CNTNAP2: variants seen among roughly 807,000 people sequenced by gnomAD.
The protein encoded by CNTNAP2 is contactin-associated protein-like 2.
Under a neutral mutation model 155.2 loss-of-function variants are expected in CNTNAP2, and 98 were observed. That is an observed-to-expected ratio of 0.63 (90% CI 0.54 to 0.75). CNTNAP2 has a LOEUF of 0.75. CNTNAP2 is among the 30% of genes least tolerant of loss of function. The pLI is 0.00. For missense variants in CNTNAP2, 1,727 were observed against 1,688.1 expected, an observed-to-expected ratio of 1.02 and a Z score of -0.40; for synonymous variants, 651 against 631.2, an observed-to-expected ratio of 1.03 and a Z score of -0.47.
chr7:147,116,242 T>C (rs550444027), intron 5 of CNTNAP2, among the ~76,000 whole-genome samples: 1 of 152,322 alleles, frequency 6.6e-6, no homozygotes, highest in Middle Eastern at 3.4e-3. Flanking sequence ...GGCCCAAGTG[T>C]GCCTGGAGGA....
chr7:146,255,010 A>G (rs1407540635), intron 1 of CNTNAP2, among the ~76,000 whole-genome samples: 1 of 151,690 alleles, frequency 6.6e-6, no homozygotes, highest in Admixed American at 6.6e-5. Flanking sequence ...AATTTCTAGT[A>G]GAAAGTTGAA....
At chr7:147,284,363 A>C (rs1805128925) in intron 8 of CNTNAP2, among the ~76,000 whole-genome samples, 1 of 151,828 alleles carries the variant, frequency 6.6e-6, no homozygotes, top group South Asian at 2.1e-4. Flanking sequence ...ATTACAGTAC[A>C]TGCTGCCCAA....
intron 1 of CNTNAP2, among the ~76,000 whole-genome samples, chr7:146,151,286 G>A (rs963634531): frequency 1.5e-4 from 22 of 151,716 alleles, no homozygotes; most frequent in African/African-American, 4.8e-4. Flanking sequence ...TATTAACTCT[G>A]GTCATCATAC....
chr7:146,669,792 T>G (rs1228073286), intron 1 of CNTNAP2, among the ~76,000 whole-genome samples: 2 of 152,180 alleles, frequency 1.3e-5, no homozygotes, highest in Non-Finnish European at 2.9e-5. Context: ...AAAAATTGTT[T>G]CAACCTTTTT....
At chr7:146,724,274 T>C (rs1801390763) in intron 1 of CNTNAP2, among the ~76,000 whole-genome samples, 1 of 152,184 alleles carries the variant, frequency 6.6e-6, no homozygotes, top group South Asian at 2.1e-4. Flanking sequence ...TTGTAAGTGT[T>C]AGAACAGTTA....
chr7:147,218,728 T>A (rs1186821592), intron 8 of CNTNAP2, among the ~76,000 whole-genome samples: 1 of 152,170 alleles, frequency 6.6e-6, no homozygotes, highest in Non-Finnish European at 1.5e-5. Context: ...CTGTAGATAT[T>A]CATTATATCC....
At chr7:147,231,823 T>C (rs982243145) in intron 8 of CNTNAP2, among the ~76,000 whole-genome samples, 7 of 152,214 alleles carry the variant, frequency 4.6e-5, no homozygotes, top group African/African-American at 1.7e-4. Flanking sequence ...GATTTGGACA[T>C]TAACTCCTCA....
chr7:147,796,389 C>G (rs1372725175), intron 13 of CNTNAP2, among the ~76,000 whole-genome samples: 1 of 152,064 alleles, frequency 6.6e-6, no homozygotes, highest in East Asian at 1.9e-4. Flanking sequence ...AGCCTTAGCA[C>G]AAATAATCCC....
At chr7:146,704,888 G>A (rs1390682933) in intron 1 of CNTNAP2, among the ~76,000 whole-genome samples, 1 of 152,092 alleles carries the variant, frequency 6.6e-6, no homozygotes, top group Non-Finnish European at 1.5e-5. Flanking sequence ...TAAAAATGGT[G>A]GTTAGAGGAC....
chr7:147,585,796 TG>T (rs1800609098), intron 12 of CNTNAP2, among the ~76,000 whole-genome samples: 1 of 151,972 alleles, frequency 6.6e-6, no homozygotes, highest in Non-Finnish European at 1.5e-5. Flanking sequence ...TGTGTATATA[TG>T]TGTGTGTGTA....
At chr7:147,547,547 T>G (rs1799762195) in intron 11 of CNTNAP2, among the ~76,000 whole-genome samples, 1 of 152,120 alleles carries the variant, frequency 6.6e-6, no homozygotes, top group Non-Finnish European at 1.5e-5. Flanking sequence ...AGTAACTCCT[T>G]TCTTTGCTTG....
intron 9 of CNTNAP2, among the ~76,000 whole-genome samples, chr7:147,361,671 T>C (rs1418651389): frequency 6.6e-6 from 1 of 152,218 alleles, no homozygotes; most frequent in Non-Finnish European, 1.5e-5. Context: ...TAAACTTGAA[T>C]ATAAACTTGA....
At chr7:147,258,373 C>T (rs1340557366) in intron 8 of CNTNAP2, among the ~76,000 whole-genome samples, 1 of 152,052 alleles carries the variant, frequency 6.6e-6, no homozygotes, top group African/African-American at 2.4e-5. Context: ...CAATATCTTC[C>T]TTCTAGCAAC....
intron 11 of CNTNAP2, among the ~76,000 whole-genome samples, chr7:147,542,976 G>A (rs1245376837): frequency 6.6e-6 from 1 of 152,194 alleles, no homozygotes; most frequent in East Asian, 1.9e-4. Context: ...GCTGAGACCA[G>A]CTCAGCTGGG....
chr7:146,454,740 T>G (rs985361698), intron 1 of CNTNAP2, among the ~76,000 whole-genome samples: 4 of 151,888 alleles, frequency 2.6e-5, no homozygotes, highest in Non-Finnish European at 5.9e-5. Context: ...GATAGATAGA[T>G]AGATTAGATA....
chr7:146,716,606 C>T (rs1401212641), intron 1 of CNTNAP2, among the ~76,000 whole-genome samples: 1 of 152,144 alleles, frequency 6.6e-6, no homozygotes, highest in Admixed American at 6.6e-5. Flanking sequence ...AATAGGTTAA[C>T]ATTTTAGGAG....
chr7:147,087,837 C>T (rs917310295), intron 4 of CNTNAP2, among the ~76,000 whole-genome samples: 2 of 152,006 alleles, frequency 1.3e-5, no homozygotes, highest in Non-Finnish European at 2.9e-5. Context: ...ATTAGCTGGG[C>T]ATGGTGGCGC....
At chr7:146,804,683 T>C (rs1042957180) in intron 2 of CNTNAP2, among the ~76,000 whole-genome samples, 21 of 152,180 alleles carry the variant, frequency 1.4e-4, no homozygotes, top group Non-Finnish European at 2.9e-5. Context: ...ATAAATCTTA[T>C]TGAAGAGCCC....
At chr7:147,832,896 T>G (rs1798576161) in intron 13 of CNTNAP2, among the ~76,000 whole-genome samples, 1 of 149,202 alleles carries the variant, frequency 6.7e-6, no homozygotes. Context: ...TATATGTAAT[T>G]AGGCTTAATA....
Sources: allele counts gnomAD v4.1 joint callset (sites outside exome capture counted in the v4.1 genomes callset), GRCh38; gene constraint gnomAD v4.1.1; transcripts MANE v1.5; gene names NCBI Gene and HGNC (gene_info 2026-07-23, HGNC 2026-07-21).